The following STK32C variants were observed in gnomAD, a reference collection of about 807,000 sequenced individuals.
STK32C encodes serine/threonine kinase 32C, also known as serine/threonine-protein kinase 32C.
Under a neutral mutation model 56.5 loss-of-function variants are expected in STK32C, and 31 were observed. That is an observed-to-expected ratio of 0.55 (90% CI 0.41 to 0.74). STK32C has a LOEUF of 0.74. Among genes scored for constraint, STK32C ranks in the 30% least tolerant of loss-of-function variants. STK32C has a pLI of 0.00. For synonymous variants in STK32C, 309 were observed against 289.4 expected (o/e 1.07, Z -0.69); for missense variants, 544 against 676.9 (o/e 0.80, Z 2.18).
chr10:132,245,789 C>T, intron 2 of STK32C, 111 bp downstream of exon 2: 1 of 1,105,736 alleles, frequency 9.0e-7, no homozygotes, highest in South Asian at 1.3e-5. Flanking sequence ...CCAGGTAAGG[C>T]TGCTTCTCCC....
Position 132,221,702 on chromosome 10 carries a change from T to C in STK32C, c.1251+939A>G, listed in dbSNP as rs546045775. Among the ~76,000 whole-genome samples, 766 of 106,370 alleles carry C rather than the reference T, an allele frequency of 7.2e-3. 7 individuals carry two copies. Among genetic ancestry groups the C allele is most frequent in the African/African-American group, 0.027 (718 of 26,462 alleles). 69.8% of individuals were successfully genotyped at this position (106,370 alleles called of 152,430 possible). On this transcript the variant is annotated intron_variant, in intron 10 of 11. Coordinates refer to ENST00000298630, the MANE Select transcript of STK32C (RefSeq NM_173575.4). ...TGGCCGTCCCCACACACACAACTGA[T>C]GCTGACGCACCTGGGCGAGTGTGAG...
At chr10:132,273,814 C>T (rs1459836859) in intron 1 of STK32C, among the ~76,000 whole-genome samples, 1 of 150,956 alleles carries the variant, frequency 6.6e-6, no homozygotes, top group African/African-American at 2.5e-5. Context: ...ATGAGGTGAG[C>T]AAATGAGAGA....
chr10:132,270,693 C>CCCCT (rs2064789542), intron 1 of STK32C, among the ~76,000 whole-genome samples: 1 of 152,190 alleles, frequency 6.6e-6, no homozygotes, highest in Non-Finnish European at 1.5e-5. Context: ...CAACCAGACA[C>CCCCT]CCCTCCCTCC....
rs114810992 is a variant in STK32C, at chr10:132,288,003, T to C, written c.262+19569A>G. Among the ~76,000 whole-genome samples, 449 of 152,008 alleles carry C rather than the reference T, an allele frequency of 3.0e-3. 3 individuals are homozygous for C. The highest frequency in any genetic ancestry group is 0.01 in the African/African-American group (425 of 41,430). On this transcript the variant is annotated intron_variant, in intron 1 of 11. Coordinates refer to ENST00000298630, the MANE Select transcript of STK32C (RefSeq NM_173575.4). Reference sequence around the variant, plus strand: ...TGTTGAACTGGGGTAAAGACGGCCATACAGGTCAACAGAAAAGAATAATGT... The same window carrying C: ...TGTTGAACTGGGGTAAAGACGGCCACACAGGTCAACAGAAAAGAATAATGT...
chr10:132,325,173 G>T (rs1007684238), intron 1 of STK32C, among the ~76,000 whole-genome samples: 1 of 152,106 alleles, frequency 6.6e-6, no homozygotes, highest in Non-Finnish European at 1.5e-5. Context: ...GACCCGGTGG[G>T]AGGTAACTGA....
chr10:132,222,927 C>T lies in STK32C; in HGVS notation c.1053G>A (p.Pro351=), dbSNP rs1046281428. 1.2e-5 allele frequency: 19 copies of T among 1,557,916 alleles called. No individual in the cohort carries two copies. The highest frequency in any genetic ancestry group is 5.6e-5 in the Admixed American group (3 of 53,134). Residue 351 remains proline, a synonymous_variant, in exon 9 of 12, where the codon CCG becomes CCA. Transcript: ENST00000298630. ...LSSLQDVQAA[P]ALAGVLWDHL... is the part of the protein sequence containing the mutation. ...GGTCCCACAGCACGCCGGCCAGCGC[C>T]GGGGCTGCCTGCACGTCCTGGAGGC...
chr10:132,251,438 G>T (rs1169730747), intron 1 of STK32C, among the ~76,000 whole-genome samples: 1 of 152,106 alleles, frequency 6.6e-6, no homozygotes, highest in African/African-American at 2.4e-5. Context: ...AGAGGGGAGT[G>T]GGCATGGTCC....
intron 1 of STK32C, among the ~76,000 whole-genome samples, chr10:132,280,256 T>C (rs1013761524): frequency 1.1e-4 from 14 of 131,662 alleles, no homozygotes; most frequent in Non-Finnish European, 2.1e-4. Context: ...ACCACGCCCC[T>C]GCACCCCGTG....
At chr10:132,261,162 C>T (rs1177263293) in intron 1 of STK32C, among the ~76,000 whole-genome samples, 2 of 152,200 alleles carry the variant, frequency 1.3e-5, no homozygotes, top group Admixed American at 6.5e-5. Flanking sequence ...TCGGGGACTA[C>T]GAGCTTAGGC....
intron 1 of STK32C, among the ~76,000 whole-genome samples, chr10:132,287,598 T>A (rs1378585578): frequency 2.6e-5 from 4 of 151,648 alleles, no homozygotes; most frequent in Non-Finnish European, 4.4e-5. Context: ...ATGACAGACG[T>A]GCACCACCAT....
At chr10:132,239,138 C>T (rs1289328857) in intron 2 of STK32C, among the ~76,000 whole-genome samples, 1 of 152,212 alleles carries the variant, frequency 6.6e-6, no homozygotes, top group Non-Finnish European at 1.5e-5. Flanking sequence ...TCCTGAGAGC[C>T]ACAGGCTGGA....
intron 1 of STK32C, among the ~76,000 whole-genome samples, chr10:132,272,247 A>G (rs1248786261): frequency 2.0e-5 from 3 of 152,158 alleles, no homozygotes; most frequent in South Asian, 2.1e-4. Context: ...GGACGGAGAC[A>G]CCCACAGAGG....
At chr10:132,326,210 G>C (rs994696345) in intron 1 of STK32C, among the ~76,000 whole-genome samples, 2 of 152,300 alleles carry the variant, frequency 1.3e-5, no homozygotes, top group Admixed American at 1.3e-4. Context: ...GCCATTTCCA[G>C]ATATGAAAAA....
At chr10:132,308,313 C>T (rs971788153), upstream of STK32C, among the ~76,000 whole-genome samples, 1 of 152,160 alleles carries the variant, frequency 6.6e-6, no homozygotes, top group African/African-American at 2.4e-5. Flanking sequence ...GCGTCCCTGG[C>T]ACGGGGACTG....
At chr10:132,209,008 CG>C in intron 11 of STK32C, 25 bp downstream of exon 11, 1 of 1,596,938 alleles carries the variant, frequency 6.3e-7, no homozygotes, top group Non-Finnish European at 8.6e-7. Context: ...TCTGCCACCA[CG>C]CCCACCCACC....
At chr10:132,311,788 C>T (rs545252059), upstream of STK32C, among the ~76,000 whole-genome samples, 261 of 152,298 alleles carry the variant, frequency 1.7e-3, 1 homozygote, top group Admixed American at 4.2e-3. The surrounding 1 kb of genome is among the most constrained non-coding windows in gnomAD (Gnocchi z 4.4). Flanking sequence ...TAGGGCCCAC[C>T]CTACTCCAGG....
intron 1 of STK32C, among the ~76,000 whole-genome samples, chr10:132,279,534 G>C (rs979986493): frequency 6.6e-6 from 1 of 151,974 alleles, no homozygotes; most frequent in African/African-American, 2.4e-5. Flanking sequence ...CTGTGGCAGG[G>C]GGATGGCCAG....
At chr10:132,305,097 A>G (rs567732193) in intron 1 of STK32C, among the ~76,000 whole-genome samples, 2 of 152,342 alleles carry the variant, frequency 1.3e-5, no homozygotes, top group East Asian at 3.9e-4. Context: ...CAGCAGCAGA[A>G]AGACCCCCTA....
intron 1 of STK32C, among the ~76,000 whole-genome samples, chr10:132,276,947 T>C (rs2065013672): frequency 6.6e-6 from 1 of 152,158 alleles, no homozygotes; most frequent in South Asian, 2.1e-4. Context: ...TCTGTTCCTG[T>C]CCCTCCCCAG....
Sources: gnomAD v4.1 joint callset for allele counts (sites outside exome capture counted in the v4.1 genomes callset) on GRCh38, gnomAD v4.1.1 for gene constraint, Gnocchi (gnomAD v3.1) non-coding constraint, MANE v1.5 for transcripts, NCBI Gene and HGNC (gene_info 2026-07-23, HGNC 2026-07-21) for gene names.